Variants in ADK observed in about 807,000 individuals in gnomAD.
The protein encoded by ADK is adenosine kinase.
ADK carries 24 observed loss-of-function variants against 44.7 expected under a neutral mutation model. That is an observed-to-expected ratio of 0.54 (90% confidence interval 0.39 to 0.76). ADK has a LOEUF of 0.76. Among genes scored for constraint, ADK ranks in the 30% least tolerant of loss-of-function variants. The pLI is 0.00. For missense variants in ADK, 321 were observed against 425.1 expected (o/e 0.76, Z 2.15); for synonymous variants, 128 against 142.6 (o/e 0.90, Z 0.73).
chr10:74,539,414 G>C (rs904872255), intron 7 of ADK, among the ~76,000 whole-genome samples: 1 of 152,124 alleles, frequency 6.6e-6, no homozygotes, highest in African/African-American at 2.4e-5. Context: ...CAAAAGAGAT[G>C]ATCTTTTCTT....
chr10:74,621,227 T>A (rs377449092), intron 9 of ADK, among the ~76,000 whole-genome samples: 3 of 152,200 alleles, frequency 2.0e-5, no homozygotes, highest in African/African-American at 7.2e-5. Flanking sequence ...CCATTTTGAG[T>A]TGATTTTTAC....
chr10:74,476,360 A>G (rs1468273299), intron 6 of ADK, among the ~76,000 whole-genome samples: 1 of 151,868 alleles, frequency 6.6e-6, no homozygotes, highest in Non-Finnish European at 1.5e-5. Context: ...GGGCGTAGTG[A>G]CACATGCTGT....
chr10:74,655,021 G>T, intron 9 of ADK: 1 of 204,268 alleles, frequency 4.9e-6, no homozygotes, highest in Non-Finnish European at 9.9e-6. Flanking sequence ...TCCTGACTGG[G>T]GCCCAGGAGC....
chr10:74,554,776 C>G (rs1363322185), intron 7 of ADK, among the ~76,000 whole-genome samples: 1 of 147,952 alleles, frequency 6.8e-6, no homozygotes, highest in African/African-American at 2.5e-5. Flanking sequence ...AAGACCTTGT[C>G]TCTATTTAAA....
Position 74,162,472 on chromosome 10 carries a change from A to G in ADK, c.65+11129A>G, listed in dbSNP as rs577549531. Among the ~76,000 whole-genome samples the G allele has an allele frequency of 3.9e-5, 6 of 152,100 alleles. No individual in the cohort carries two copies. In the South Asian group the frequency reaches 1.0e-3, roughly 26 times the overall value. On this transcript the variant is annotated intron_variant, in intron 1 of 10. Coordinates refer to ENST00000539909, the MANE Select transcript of ADK (RefSeq NM_006721.4). ...TAAATGGAGTGAGCTTGTGTGCAAA[A>G]TCAACCTGATACTAAAGGATAAGAA... is the stretch of plus-strand genomic sequence containing the variant.
intron 1 of ADK, among the ~76,000 whole-genome samples, chr10:74,169,370 A>G (rs1842107169): frequency 6.6e-6 from 1 of 152,232 alleles, no homozygotes; most frequent in Non-Finnish European, 1.5e-5. Context: ...TATAGTTTAA[A>G]AATATGTTCT....
At chr10:74,490,662 C>T (rs1396229245) in intron 6 of ADK, among the ~76,000 whole-genome samples, 4 of 151,900 alleles carry the variant, frequency 2.6e-5, no homozygotes, top group Non-Finnish European at 5.9e-5. Flanking sequence ...GGAAAGTGGC[C>T]CAAAGTCCAA....
chr10:74,231,641 T>A (rs1844767675), intron 3 of ADK, among the ~76,000 whole-genome samples: 1 of 152,082 alleles, frequency 6.6e-6, no homozygotes, highest in South Asian at 2.1e-4. Flanking sequence ...AATTTTTGTA[T>A]TTTTTGTTGA....
chr10:74,236,948 T>TA (rs1300329591), intron 3 of ADK, among the ~76,000 whole-genome samples: 10 of 152,202 alleles, frequency 6.6e-5, no homozygotes, highest in African/African-American at 1.4e-4. Flanking sequence ...TTTAGCAAGT[T>TA]ACAATCATTT....
At chr10:74,384,202 A>G (rs1843067062) in intron 4 of ADK, among the ~76,000 whole-genome samples, 1 of 152,182 alleles carries the variant, frequency 6.6e-6, no homozygotes, top group Non-Finnish European at 1.5e-5. Context: ...TTTCCTGTTC[A>G]CTTATTTGAC....
intron 9 of ADK, among the ~76,000 whole-genome samples, chr10:74,632,242 C>T (rs1295158074): frequency 6.6e-6 from 1 of 152,172 alleles, no homozygotes; most frequent in African/African-American, 2.4e-5. Context: ...TTTCACTTAA[C>T]ATAATGTTTT....
chr10:74,437,939 A>G (rs1238692336), intron 6 of ADK, among the ~76,000 whole-genome samples: 1 of 151,398 alleles, frequency 6.6e-6, no homozygotes, highest in Non-Finnish European at 1.5e-5. Context: ...CTTCACTCTT[A>G]CTCCTCCTTC....
chr10:74,535,774 G>C (rs1210732928), intron 7 of ADK, among the ~76,000 whole-genome samples: 2 of 151,708 alleles, frequency 1.3e-5, no homozygotes, highest in East Asian at 3.9e-4. Flanking sequence ...GTAGAGATGG[G>C]GTTTTGCCAT....
chr10:74,569,439 C>T (rs1009452993), intron 7 of ADK, among the ~76,000 whole-genome samples: 8 of 152,168 alleles, frequency 5.3e-5, no homozygotes, highest in Non-Finnish European at 1.2e-4. Context: ...CCAGCACCTG[C>T]TGTTTCCTGA....
intron 10 of ADK, among the ~76,000 whole-genome samples, chr10:74,672,393 T>A (rs776524022): frequency 6.6e-6 from 1 of 152,228 alleles, no homozygotes; most frequent in Non-Finnish European, 1.5e-5. Flanking sequence ...GACTATAGTT[T>A]GCCAAACCCT....
chr10:74,183,826 A>G (rs1842647197), intron 1 of ADK, among the ~76,000 whole-genome samples: 1 of 152,186 alleles, frequency 6.6e-6, no homozygotes, highest in African/African-American at 2.4e-5. Context: ...TACTACTAAT[A>G]AAATAAAATA....
chr10:74,549,233 T>G (rs1849944959), intron 7 of ADK, among the ~76,000 whole-genome samples: 2 of 152,090 alleles, frequency 1.3e-5, no homozygotes, highest in South Asian at 4.1e-4. Context: ...AGTGAGGGGG[T>G]ATTCTTGAAA....
intron 7 of ADK, among the ~76,000 whole-genome samples, chr10:74,529,731 A>G (rs765096583): frequency 6.6e-6 from 1 of 152,156 alleles, no homozygotes; most frequent in Non-Finnish European, 1.5e-5. Context: ...ATTCGCTTCA[A>G]GAGGTATTTA....
intron 6 of ADK, among the ~76,000 whole-genome samples, chr10:74,436,226 A>G (rs1044168525): frequency 6.6e-6 from 1 of 152,188 alleles, no homozygotes; most frequent in African/African-American, 2.4e-5. Flanking sequence ...ACAAGATGAA[A>G]TGAAGAAAAC....
Sources: allele counts gnomAD v4.1 joint callset (sites outside exome capture counted in the v4.1 genomes callset), GRCh38; gene constraint gnomAD v4.1.1; transcripts MANE v1.5; gene names NCBI Gene and HGNC (gene_info 2026-07-23, HGNC 2026-07-21).